Variants in UBA3 observed in about 807,000 individuals in gnomAD.
The protein encoded by UBA3 is ubiquitin like modifier activating enzyme 3.
Under a neutral mutation model 73.5 loss-of-function variants are expected in UBA3, and 26 were observed. That is an observed-to-expected ratio of 0.35 (90% confidence interval 0.26 to 0.49). The LOEUF is 0.49. UBA3 is among the 20% of genes least tolerant of loss of function. The probability of loss-of-function intolerance (pLI) is 0.98; values close to 1 mark genes in which losing one functional copy is unlikely to be tolerated. For synonymous variants in UBA3, 217 were observed against 191.2 expected (o/e 1.13, Z -1.11); for missense variants, 495 against 555.6 (o/e 0.89, Z 1.10).
chr3:69,075,235 G>T, intron 4 of UBA3, 195 bp downstream of exon 4: 1 of 228,890 alleles, frequency 4.4e-6, no homozygotes, highest in Non-Finnish European at 8.5e-6. Flanking sequence ...TTATAGCTGA[G>T]AGCTTTAGAA....
At chr3:69,070,259 A>T (rs1047777686) in intron 5 of UBA3, among the ~76,000 whole-genome samples, 7 of 152,254 alleles carry the variant, frequency 4.6e-5, no homozygotes, top group Non-Finnish European at 1.0e-4. Flanking sequence ...AGGTTAAAAA[A>T]TAAACAAAAA....
intron 5 of UBA3, among the ~76,000 whole-genome samples, chr3:69,068,610 A>T (rs953137821): frequency 2.0e-5 from 3 of 150,214 alleles, no homozygotes; most frequent in African/African-American, 4.9e-5. Flanking sequence ...ACGGAGTCTC[A>T]CTCACTCTGT....
chr3:69,066,437 T>A (rs969950478), intron 6 of UBA3, among the ~76,000 whole-genome samples: 1 of 128,356 alleles, frequency 7.8e-6, no homozygotes. Flanking sequence ...GTTTTATGGT[T>A]TTTTGTGTTT....
At chr3:69,079,174 C>G (rs966564444) in intron 2 of UBA3, among the ~76,000 whole-genome samples, 3 of 152,142 alleles carry the variant, frequency 2.0e-5, no homozygotes, top group African/African-American at 7.2e-5. Flanking sequence ...ATCTGCAGGC[C>G]GTTCATAGCT....
At chr3:69,065,891 G>A (rs1318779534) in intron 6 of UBA3, among the ~76,000 whole-genome samples, 1 of 151,236 alleles carries the variant, frequency 6.6e-6, no homozygotes, top group African/African-American at 2.4e-5. Flanking sequence ...ATCTTTTCAT[G>A]TGCTTTTCGT....
chr3:69,063,008 A>G lies in UBA3; in HGVS notation c.667T>C (p.Cys223Arg). 6.2e-7 allele frequency: 1 copy of G among 1,614,084 alleles called. No individual in the cohort carries two copies. The highest frequency in any genetic ancestry group is 8.5e-7 in the Non-Finnish European group (1 of 1,179,986). Residue 223 changes from cysteine (C) to arginine (R), a missense_variant, in exon 9 of 18, where the codon TGC (cysteine) becomes CGC (arginine). Coordinates refer to ENST00000361055, the MANE Select transcript of UBA3 (RefSeq NM_003968.4). The part of the protein sequence containing the change: ...ILPGMTACIE[C>R]TLELYPPQVN... ...TGTGGTGGATAAAGTTCCAGCGTGC[A>G]TTCGATACAAGCAGTCATTCCAGGC...
intron 5 of UBA3, among the ~76,000 whole-genome samples, chr3:69,069,498 T>C (rs2092104247): frequency 6.6e-6 from 1 of 152,086 alleles, no homozygotes; most frequent in African/African-American, 2.4e-5. Context: ...GGCTAATTTT[T>C]GTATTTTTAG....
intron 3 of UBA3, chr3:69,076,331 G>C (rs945290486): frequency 6.6e-6 from 1 of 152,110 alleles, no homozygotes; most frequent in Non-Finnish European, 1.5e-5. Flanking sequence ...CTGAGGTCAG[G>C]AAAGACCAGC....
intron 5 of UBA3, chr3:69,071,130 G>T: frequency 6.2e-6 from 1 of 161,154 alleles, no homozygotes; most frequent in Non-Finnish European, 1.3e-5. Flanking sequence ...TATTGCTCCA[G>T]TCACCATTCA....
rs77833153 is a variant in UBA3 at position 69,059,998 on chromosome 3, T to C, written c.910+1816A>G. Among the ~76,000 whole-genome samples, 390 of 152,220 alleles carry C rather than the reference T, an allele frequency of 2.6e-3. 3 individuals are homozygous for C. Among genetic ancestry groups the C allele is most frequent in the African/African-American group, 9.1e-3 (378 of 41,540 alleles). ...TCTGGAAAGGTTTTTCATGACATCCTTGTGAACAAGATAAAGAAATACAAA... is the reference window on the plus strand; with the variant it reads ...TCTGGAAAGGTTTTTCATGACATCCCTGTGAACAAGATAAAGAAATACAAA... On this transcript the variant is annotated intron_variant, in intron 11 of 17. Coordinates refer to ENST00000361055, the MANE Select transcript of UBA3 (RefSeq NM_003968.4).
chr3:69,080,215 G>A (rs2092206962), intron 1 of UBA3, 62 bp from the exon 2 acceptor site: 3 of 1,539,876 alleles, frequency 1.9e-6, no homozygotes, highest in Non-Finnish European at 1.8e-6. Context: ...GCGAGGGGAG[G>A]GGGGCGAGGG....
intron 3 of UBA3, among the ~76,000 whole-genome samples, chr3:69,076,027 C>T (rs1477759398): frequency 1.3e-5 from 2 of 152,062 alleles, no homozygotes; most frequent in African/African-American, 2.4e-5. Context: ...GTGCCGCGTC[C>T]GGCCATTAAT....
At chr3:69,073,792 C>T (rs6807701) in intron 4 of UBA3, among the ~76,000 whole-genome samples, 23,960 of 146,406 alleles carry the variant, frequency 0.16, 2,157 homozygotes, top group Middle Eastern at 0.29. Context: ...CCTGCCACCA[C>T]GCCCGGCTAA....
chr3:69,066,199 C>G (rs1367410146), intron 6 of UBA3, among the ~76,000 whole-genome samples: 1 of 152,064 alleles, frequency 6.6e-6, no homozygotes, highest in Non-Finnish European at 1.5e-5. Context: ...CTACATTGCC[C>G]AGGCTGGAAT....
rs2092055399 is a variant in UBA3 at position 69,064,879 on chromosome 3, T to A, written c.429-768A>T. 3.3e-5 allele frequency among the ~76,000 whole-genome samples: 5 copies of A among 152,118 alleles called. 1 individual carries two copies. In the South Asian group the frequency reaches 1.0e-3, roughly 32 times the overall value. ...ACTTCTCTAAAGTTAAGATAAATAG[T>A]CCACTATAAATTTTTTAAAAGCAAT... On this transcript the variant is annotated intron_variant, in intron 6 of 17. Transcript: ENST00000361055.
intron 3 of UBA3, among the ~76,000 whole-genome samples, chr3:69,076,938 A>AT (rs1301634864): frequency 1.3e-5 from 2 of 151,922 alleles, no homozygotes; most frequent in East Asian, 3.9e-4. Context: ...AAAACATGAG[A>AT]TAACACGAAA....
chr3:69,074,215 T>C (rs2092145653), intron 4 of UBA3, among the ~76,000 whole-genome samples: 1 of 152,226 alleles, frequency 6.6e-6, no homozygotes, highest in South Asian at 2.1e-4. Flanking sequence ...TGTACATTTA[T>C]AATACCTAAC....
intron 16 of UBA3, 26 bp from the exon 17 acceptor site, chr3:69,055,931 A>G (rs201986464): frequency 6.3e-7 from 1 of 1,586,060 alleles, no homozygotes; most frequent in Non-Finnish European, 8.6e-7. Flanking sequence ...ACTTTAATGT[A>G]AGACACATTA....
intron 1 of UBA3, 61 bp from the exon 2 acceptor site, chr3:69,080,214 G>C (rs2092206922): frequency 2.0e-6 from 3 of 1,536,180 alleles, no homozygotes; most frequent in South Asian, 2.3e-5. Flanking sequence ...CGCGAGGGGA[G>C]GGGGGCGAGG....
Sources: allele counts gnomAD v4.1 joint callset (sites outside exome capture counted in the v4.1 genomes callset), GRCh38; gene constraint gnomAD v4.1.1; transcripts MANE v1.5; gene names NCBI Gene and HGNC (gene_info 2026-07-23, HGNC 2026-07-21).